Variants in SFMBT2 observed in about 807,000 individuals in gnomAD.
The protein encoded by SFMBT2 is scm-like with four MBT domains protein 2.
SFMBT2 carries 38 observed loss-of-function variants against 110.1 expected under a neutral mutation model. The ratio of observed to expected loss-of-function variants is 0.35; its 90% CI spans 0.27 to 0.45. SFMBT2 has a LOEUF of 0.45. SFMBT2 is among the 20% of genes least tolerant of loss of function. The pLI, the probability that SFMBT2 is intolerant of heterozygous loss-of-function variation, is 1.00. For synonymous variants in SFMBT2, 425 were observed against 425.4 expected (o/e 1.00, Z 0.01); for missense variants, 1,011 against 1,094.9 (o/e 0.92, Z 1.08).
intron 4 of SFMBT2, among the ~76,000 whole-genome samples, chr10:7,332,322 A>G (rs1843585922): frequency 6.6e-6 from 1 of 152,364 alleles, no homozygotes; most frequent in Non-Finnish European, 1.5e-5. Context: ...GACGCTACGA[A>G]TGTGTGTTAA....
chr10:7,172,706 A>G lies in SFMBT2; in HGVS notation c.1985-45T>C. On this transcript the variant is annotated intron_variant, in intron 17 of 20. Coordinates refer to ENST00000397167, the MANE Select transcript of SFMBT2 (RefSeq NM_001387889.1). The surrounding 1 kb of genome is among the most constrained non-coding windows in gnomAD (Gnocchi z 4.6). ...AAACTTTTGAAGGCTATACACACAC[A>G]CAGACATGAACAGAGAGAGGAGAGA... is the stretch of plus-strand genomic sequence containing the variant. 1.3e-6 allele frequency: 2 copies of G among 1,543,092 alleles called. No homozygotes were observed. The highest frequency in any genetic ancestry group is 1.8e-6 in the Non-Finnish European group (2 of 1,138,170).
At chr10:7,182,333 C>T (rs995646073) in intron 16 of SFMBT2, among the ~76,000 whole-genome samples, 3 of 152,222 alleles carry the variant, frequency 2.0e-5, no homozygotes, top group African/African-American at 7.2e-5. Flanking sequence ...CCAACGCACT[C>T]AGCCTCATTC....
intron 4 of SFMBT2, among the ~76,000 whole-genome samples, chr10:7,310,057 G>C (rs1012070106): frequency 2.0e-5 from 3 of 152,178 alleles, no homozygotes; most frequent in Non-Finnish European, 4.4e-5. Flanking sequence ...ACTGCCTCCA[G>C]TTGTGGCAAC....
At chr10:7,178,301 A>T (rs1838139370) in intron 16 of SFMBT2, among the ~76,000 whole-genome samples, 1 of 152,178 alleles carries the variant, frequency 6.6e-6, no homozygotes, top group African/African-American at 2.4e-5. Flanking sequence ...ATCTTAGAGG[A>T]AACACCAATC....
chr10:7,185,887 A>G (rs1838387069), intron 16 of SFMBT2, among the ~76,000 whole-genome samples: 1 of 152,154 alleles, frequency 6.6e-6, no homozygotes, highest in Non-Finnish European at 1.5e-5. Context: ...ATTCAAAACA[A>G]TGCAGGTAAA....
At chr10:7,299,170 G>C (rs1045226940) in intron 4 of SFMBT2, among the ~76,000 whole-genome samples, 2 of 152,102 alleles carry the variant, frequency 1.3e-5, no homozygotes, top group Non-Finnish European at 1.5e-5. Flanking sequence ...CAAGACACAG[G>C]TATGGGCAAG....
intron 4 of SFMBT2, among the ~76,000 whole-genome samples, chr10:7,318,505 T>G (rs752091064): frequency 6.6e-5 from 10 of 152,228 alleles, no homozygotes; most frequent in African/African-American, 2.2e-4. Context: ...ACCTGGCACC[T>G]GGGCTCAATC....
chr10:7,395,153 T>C (rs1845888644), intron 1 of SFMBT2, among the ~76,000 whole-genome samples: 1 of 152,156 alleles, frequency 6.6e-6, no homozygotes, highest in African/African-American at 2.4e-5. Context: ...ACCTCGTCTC[T>C]ACTAAACATA....
At chr10:7,307,061 C>G (rs1202605496) in intron 4 of SFMBT2, among the ~76,000 whole-genome samples, 2 of 152,092 alleles carry the variant, frequency 1.3e-5, no homozygotes, top group Admixed American at 1.3e-4. Flanking sequence ...GCAAACAGCA[C>G]TTAGAAAAAT....
rs181093094 is a variant in SFMBT2 at position 7,200,622 on chromosome 10, G to A, written c.1488-138C>T. The stretch of plus-strand genomic sequence containing the variant: ...GACCATAGAATAGAATGTGTGTATG[G>A]GAGCAATGCCAGTAAGACCAGATGA... On this transcript the variant is annotated intron_variant, in intron 13 of 20. Transcript: ENST00000397167. 9 of 598,972 alleles carry A rather than the reference G, an allele frequency of 1.5e-5. No individual in the cohort carries two copies. In the East Asian group the frequency reaches 2.4e-4, roughly 16 times the overall value. The allele number at this position is 598,972 out of a possible 1,614,324, so 37.1% of individuals were successfully genotyped here.
At chr10:7,370,941 C>T (rs4748871) in intron 2 of SFMBT2, 212,313 of 231,516 alleles carry the variant, frequency 0.92, 97,569 homozygotes, top group East Asian at 1. Context: ...ACACTCCCGA[C>T]GCCTGGCCAG....
chr10:7,178,737 T>C (rs1314598059), intron 16 of SFMBT2, among the ~76,000 whole-genome samples: 1 of 152,194 alleles, frequency 6.6e-6, no homozygotes, highest in Non-Finnish European at 1.5e-5. Context: ...AAAAAGCAGA[T>C]TCGATGGGTT....
In SFMBT2 at chr10:7,367,796, T is replaced by C. The variant is rs751159285; in HGVS notation, c.289A>G (p.Ile97Val). 16 of 1,614,220 alleles carry C rather than the reference T, an allele frequency of 9.9e-6. No individual in the cohort carries two copies. The East Asian group carries it at 3.3e-4, about 34-fold the overall frequency. The change falls in exon 4 of 21, where the codon ATT (isoleucine) becomes GTT (valine). Residue 97 changes from isoleucine to valine, a missense_variant. This residue lies in a region of SFMBT2 where 979 missense variants were observed against 1,016.1 expected (regional missense o/e 0.96). Coordinates refer to ENST00000397167, the MANE Select transcript of SFMBT2 (RefSeq NM_001387889.1). The surrounding 1 kb of genome is among the most constrained non-coding windows in gnomAD (Gnocchi z 6.2). ...NPDTYWVATI[I>V]TTCGQLLLLR... ...AGCAGCAGCTGCCCGCACGTGGTAA[T>C]GATCGTGGCCACCCAGTACGTGTCC...
intron 4 of SFMBT2, among the ~76,000 whole-genome samples, chr10:7,355,765 T>C (rs938033370): frequency 1.8e-4 from 27 of 152,144 alleles, no homozygotes; most frequent in Non-Finnish European, 3.5e-4. Context: ...TAAGCCGAGA[T>C]AGAGCCACTG....
Position 7,171,184 on chromosome 10 carries a change from C to T in SFMBT2, c.2416-128G>A. 1 of 1,486,580 alleles carries T rather than the reference C, an allele frequency of 6.7e-7. No homozygotes were observed. Among genetic ancestry groups the T allele is most frequent in the Non-Finnish European group, 9.1e-7 (1 of 1,093,070 alleles). The allele number at this position is 1,486,580 out of a possible 1,614,324, so 92.1% of individuals were successfully genotyped here. On this transcript the variant is annotated intron_variant, in intron 19 of 20. Transcript: ENST00000397167. This position sits in a 1 kb window ranked among gnomAD's most constrained non-coding sequence, Gnocchi z 4.9. ...CCTCCCTTTGCTCCCTCACTGGGCA[C>T]CTGAAAAAGCTGCACACACTCTCAG...
intron 4 of SFMBT2, among the ~76,000 whole-genome samples, chr10:7,352,349 G>T (rs1372396068): frequency 6.6e-6 from 1 of 152,138 alleles, no homozygotes; most frequent in African/African-American, 2.4e-5. Context: ...TTGAGACAGG[G>T]TCTCACTCTG....
Position 7,163,174 on chromosome 10 carries a change from G to A in SFMBT2, c.*596C>T. 1 of 161,762 alleles carries A rather than the reference G, an allele frequency of 6.2e-6. No homozygotes were observed. Among genetic ancestry groups the A allele is most frequent in the Non-Finnish European group, 1.3e-5 (1 of 74,428 alleles). The allele number at this position is 161,762 out of a possible 1,614,324, so 10.0% of individuals were successfully genotyped here. On this transcript the variant is annotated 3_prime_UTR_variant, in exon 21 of 21. Transcript: ENST00000397167. This position sits in a 1 kb window ranked among gnomAD's most constrained non-coding sequence, Gnocchi z 4.8. ...ACCATCTAGTTGCATGGAGATGCCT[G>A]CCGGCCTTCCTTCACTCCCCGTATT...
chr10:7,375,484 C>T (rs1025153073), intron 2 of SFMBT2, among the ~76,000 whole-genome samples: 1 of 150,360 alleles, frequency 6.7e-6, no homozygotes, highest in African/African-American at 2.5e-5. Flanking sequence ...TGGAAAGAGA[C>T]AGAAAGAAGA....
At chr10:7,336,308 C>T (rs188856472) in intron 4 of SFMBT2, among the ~76,000 whole-genome samples, 1 of 152,266 alleles carries the variant, frequency 6.6e-6, no homozygotes, top group East Asian at 1.9e-4. Context: ...TAGTAAAAGC[C>T]CACAGCTGAC....
Sources: allele counts gnomAD v4.1 joint callset (sites outside exome capture counted in the v4.1 genomes callset), GRCh38; gene constraint gnomAD v4.1.1; regional missense constraint gnomAD v4.1.1; non-coding constraint Gnocchi (gnomAD v3.1); transcripts MANE v1.5; gene names NCBI Gene and HGNC (gene_info 2026-07-23, HGNC 2026-07-21).